Variants in TSHZ2 observed in about 807,000 individuals in gnomAD.
The protein encoded by TSHZ2 is teashirt homolog 2.
A neutral mutation model predicts 74.4 loss-of-function variants in TSHZ2; 21 were observed. That is an observed-to-expected ratio of 0.28 (90% CI 0.20 to 0.41). The LOEUF (loss-of-function observed/expected upper bound fraction) is 0.41. Ranked by LOEUF, TSHZ2 falls within the 10% of genes least tolerant of loss-of-function variation. The pLI, the probability that TSHZ2 is intolerant of heterozygous loss-of-function variation, is 1.00. For missense variants in TSHZ2, 1,244 were observed against 1,293.5 expected, an observed-to-expected ratio of 0.96 and a Z score of 0.59; for synonymous variants, 540 against 515.3, an observed-to-expected ratio of 1.05 and a Z score of -0.65.
At chr20:53,281,042 T>C (rs1233228771) in intron 2 of TSHZ2, among the ~76,000 whole-genome samples, 5 of 152,202 alleles carry the variant, frequency 3.3e-5, no homozygotes, top group Non-Finnish European at 7.3e-5. Context: ...ATGCCAGGCT[T>C]GTATCCAGAA....
rs563088138 is a variant in TSHZ2 at position 53,409,006 on chromosome 20, T to C, written c.*9-78138T>C. Reference sequence around the variant, plus strand: ...CCTCTCTTCTGATTAGCCTGGGCAATGATTGGGATAATTTAGGACGTGCAC... The same window carrying C: ...CCTCTCTTCTGATTAGCCTGGGCAACGATTGGGATAATTTAGGACGTGCAC... On this transcript the variant is annotated intron_variant, in intron 2 of 2. Transcript: ENST00000371497. 6.6e-5 allele frequency among the ~76,000 whole-genome samples: 10 copies of C among 152,298 alleles called. No homozygotes were observed. In the South Asian group the frequency reaches 8.3e-4, roughly 13 times the overall value.
At chr20:53,183,381 G>T (rs897378197) in intron 1 of TSHZ2, among the ~76,000 whole-genome samples, 1 of 152,130 alleles carries the variant, frequency 6.6e-6, no homozygotes, top group Admixed American at 6.5e-5. Context: ...ATGCTGCTCG[G>T]GTCAGTATTC....
chr20:53,009,644 C>G (rs1375792347), intron 1 of TSHZ2, among the ~76,000 whole-genome samples: 1 of 152,070 alleles, frequency 6.6e-6, no homozygotes, highest in East Asian at 1.9e-4. Flanking sequence ...GTTCCATAAA[C>G]TTTCAATGTT....
chr20:53,035,858 A>G (rs1983799819), intron 1 of TSHZ2, among the ~76,000 whole-genome samples: 1 of 152,264 alleles, frequency 6.6e-6, no homozygotes. Context: ...TTAGAAGTGC[A>G]CATCAAACCA....
At chr20:53,328,154 G>A (rs1439442922) in intron 2 of TSHZ2, among the ~76,000 whole-genome samples, 3 of 152,202 alleles carry the variant, frequency 2.0e-5, no homozygotes, top group African/African-American at 7.2e-5. Context: ...CTTCCATCAT[G>A]ACCAGTAGGA....
At chr20:53,106,605 C>A (rs1007919548) in intron 1 of TSHZ2, among the ~76,000 whole-genome samples, 7 of 150,748 alleles carry the variant, frequency 4.6e-5, no homozygotes, top group Non-Finnish European at 7.4e-5. Flanking sequence ...GGGGTTTCAC[C>A]ATGTTAGCCA....
intron 2 of TSHZ2, among the ~76,000 whole-genome samples, chr20:53,438,194 C>T (rs1198919014): frequency 6.6e-6 from 1 of 150,652 alleles, no homozygotes; most frequent in Non-Finnish European, 1.5e-5. Context: ...ATTGCAACCT[C>T]TGCTTCCAGG....
chr20:53,227,463 AAC>A (rs10574252), intron 1 of TSHZ2, among the ~76,000 whole-genome samples: 66,418 of 146,378 alleles, frequency 0.45, 15,083 homozygotes, highest in African/African-American at 0.56. Context: ...TGGGGAGGAA[AAC>A]ACACACACAC....
intron 1 of TSHZ2, among the ~76,000 whole-genome samples, chr20:53,243,829 TTTTTTTC>T (rs1400806644): frequency 5.3e-5 from 8 of 151,700 alleles, no homozygotes; most frequent in African/African-American, 1.9e-4. Flanking sequence ...TTGCTTTTTT[TTTTTTTC>T]TTTCTTTCTT....
At chr20:53,141,468 A>G (rs1390921450) in intron 1 of TSHZ2, among the ~76,000 whole-genome samples, 2 of 152,204 alleles carry the variant, frequency 1.3e-5, no homozygotes, top group African/African-American at 2.4e-5. Flanking sequence ...TAAATCCTGT[A>G]GCCGGCATTC....
chr20:53,170,423 A>G (rs1011032164), intron 1 of TSHZ2, among the ~76,000 whole-genome samples: 1 of 152,236 alleles, frequency 6.6e-6, no homozygotes, highest in African/African-American at 2.4e-5. Context: ...CTGCTTCCTT[A>G]GAAGTTTGGC....
At chr20:53,269,797 T>TAAAAA (rs55746415) in intron 2 of TSHZ2, among the ~76,000 whole-genome samples, 2,666 of 144,262 alleles carry the variant, frequency 0.018, 81 homozygotes, top group African/African-American at 0.066. Flanking sequence ...TAGAGTATAA[T>TAAAAA]AAAAAAAAAA....
intron 1 of TSHZ2, among the ~76,000 whole-genome samples, chr20:53,099,821 A>G (rs1288607425): frequency 1.3e-5 from 2 of 152,172 alleles, no homozygotes; most frequent in Non-Finnish European, 1.5e-5. Context: ...CCCTCCCACA[A>G]CACATGGGAA....
intron 2 of TSHZ2, among the ~76,000 whole-genome samples, chr20:53,352,943 C>G (rs954132673): frequency 2.6e-5 from 4 of 152,064 alleles, no homozygotes; most frequent in Admixed American, 2.6e-4. Context: ...TCCTCTGTTG[C>G]TAATCCTTCT....
intron 1 of TSHZ2, among the ~76,000 whole-genome samples, chr20:53,239,762 T>C (rs1272330039): frequency 6.6e-6 from 1 of 152,098 alleles, no homozygotes; most frequent in Non-Finnish European, 1.5e-5. Context: ...ATTATAATAT[T>C]TTGCTATCAT....
chr20:53,335,518 A>G (rs1256429336), intron 2 of TSHZ2, among the ~76,000 whole-genome samples: 1 of 152,234 alleles, frequency 6.6e-6, no homozygotes, highest in Non-Finnish European at 1.5e-5. Flanking sequence ...TGAGAGAGGT[A>G]GAAAACTCAA....
intron 1 of TSHZ2, among the ~76,000 whole-genome samples, chr20:52,980,094 C>T (rs543814519): frequency 3.3e-5 from 5 of 152,300 alleles, no homozygotes; most frequent in East Asian, 3.9e-4. Context: ...TATTACACAA[C>T]ACTTTTTAAA....
At chr20:53,392,574 C>T (rs16984628) in intron 2 of TSHZ2, among the ~76,000 whole-genome samples, 12,174 of 152,154 alleles carry the variant, frequency 0.08, 1,286 homozygotes, top group African/African-American at 0.24. Flanking sequence ...AGTATAAATC[C>T]ACATTGCATG....
At chr20:53,279,605 A>C (rs145160261) in intron 2 of TSHZ2, among the ~76,000 whole-genome samples, 11 of 152,304 alleles carry the variant, frequency 7.2e-5, no homozygotes, top group Non-Finnish European at 1.2e-4. Context: ...ATCTGATATC[A>C]TGTTGTTTAT....
Sources: allele counts gnomAD v4.1 joint callset (sites outside exome capture counted in the v4.1 genomes callset), GRCh38; gene constraint gnomAD v4.1.1; transcripts MANE v1.5; gene names NCBI Gene and HGNC (gene_info 2026-07-23, HGNC 2026-07-21).